RARB: variants seen among roughly 807,000 people sequenced by gnomAD.
RARB encodes retinoic acid receptor beta.
In RARB, 17 loss-of-function variants were observed where a neutral mutation model predicts 51.9. The observed-to-expected ratio is 0.33, with a 90% CI of 0.22 to 0.49. RARB has a LOEUF of 0.49. Among genes scored for constraint, RARB ranks in the 20% least tolerant of loss-of-function variants. The pLI is 0.99. For missense variants in RARB, 369 were observed against 550.8 expected (o/e 0.67, Z 3.30); for synonymous variants, 215 against 195.4 (o/e 1.10, Z -0.84).
chr3:24,885,309 T>C (rs983757084), intron 2 of RARB, among the ~76,000 whole-genome samples: 3 of 152,154 alleles, frequency 2.0e-5, no homozygotes, highest in Admixed American at 2.0e-4. Context: ...GGGAATTTGG[T>C]AATTTCCAGT....
intron 3 of RARB, among the ~76,000 whole-genome samples, chr3:25,510,681 A>G (rs563227274): frequency 6.6e-6 from 1 of 152,370 alleles, no homozygotes; most frequent in African/African-American, 2.4e-5. Context: ...AGTTTAATGC[A>G]GTATTTCCCT....
intron 4 of RARB, among the ~76,000 whole-genome samples, chr3:25,144,633 G>T (rs1416932055): frequency 1.3e-5 from 2 of 152,160 alleles, no homozygotes; most frequent in African/African-American, 4.8e-5. Flanking sequence ...TGCTTAACAA[G>T]CTTATTTGGA....
At chr3:25,209,677 GTC>G (rs1280213914) in intron 5 of RARB, among the ~76,000 whole-genome samples, 1 of 152,052 alleles carries the variant, frequency 6.6e-6, no homozygotes, top group East Asian at 1.9e-4. Flanking sequence ...TCAGTTTTAT[GTC>G]TCTCCTCCAT....
chr3:25,594,772 C>T (rs1221382867), intron 7 of RARB, 94 bp downstream of exon 7: 15 of 1,192,108 alleles, frequency 1.3e-5, no homozygotes, highest in Non-Finnish European at 3.3e-6. Flanking sequence ...TGTTTAATGG[C>T]TGCTTTTAAA....
At chr3:24,858,670 G>A (rs994015277) in intron 1 of RARB, 20 of 152,106 alleles carry the variant, frequency 1.3e-4, no homozygotes, top group African/African-American at 4.6e-4. Flanking sequence ...CATTGTTTTT[G>A]CAGAATCCTG....
rs147470715 is a variant in RARB at position 25,035,471 on chromosome 3, T to C, written c.-379-24654T>C. ...TTCTCTCAAGGTAGCTATTCCATCA[T>C]GTGGATAAAAAAACTGAGATTAAAG... On this transcript the variant is annotated intron_variant, in intron 2 of 11. Coordinates refer to the RARB transcript ENST00000383772. Among the ~76,000 whole-genome samples, 796 of 144,388 alleles carry C rather than the reference T, an allele frequency of 5.5e-3. 12 individuals carry two copies. The highest frequency in any genetic ancestry group is 0.019 in the African/African-American group (743 of 38,132). The allele number at this position is 144,388 out of a possible 152,430, so 94.7% of individuals were successfully genotyped here. A position where few individuals can be genotyped will look rare whatever the true frequency, so the allele number is the denominator to read the frequency against.
At chr3:25,520,580 G>A (rs910560118) in intron 3 of RARB, among the ~76,000 whole-genome samples, 4 of 152,132 alleles carry the variant, frequency 2.6e-5, no homozygotes, top group Non-Finnish European at 4.4e-5. Context: ...AATAAGTAGC[G>A]ACTGTGAATA....
intron 2 of RARB, among the ~76,000 whole-genome samples, chr3:25,499,640 C>CA (rs200990659): frequency 0.015 from 1,943 of 132,778 alleles, 39 homozygotes; most frequent in African/African-American, 0.057. Flanking sequence ...AGTTAAAAAG[C>CA]AAAAAACTCT....
At chr3:25,062,928 A>G (rs965633501) in intron 3 of RARB, among the ~76,000 whole-genome samples, 2 of 152,030 alleles carry the variant, frequency 1.3e-5, no homozygotes, top group African/African-American at 4.8e-5. Flanking sequence ...TATGTGAATC[A>G]TGTCTCAAAG....
At chr3:25,196,244 C>T in intron 5 of RARB, among the ~76,000 whole-genome samples, 1 of 151,940 alleles carries the variant, frequency 6.6e-6, no homozygotes. Context: ...CAACAGGCCC[C>T]AGTGTGTGAT....
intron 2 of RARB, among the ~76,000 whole-genome samples, chr3:25,484,408 T>A (rs910541920): frequency 1.3e-5 from 2 of 152,152 alleles, no homozygotes; most frequent in Non-Finnish European, 2.9e-5. Context: ...TGTGCATGTG[T>A]GAGAGAGTGA....
intron 5 of RARB, among the ~76,000 whole-genome samples, chr3:25,223,676 G>A (rs1368920347): frequency 6.6e-6 from 1 of 152,150 alleles, no homozygotes; most frequent in Non-Finnish European, 1.5e-5. Flanking sequence ...GTAGTCATAT[G>A]AAGAGAGCAG....
At chr3:25,446,619 C>T (rs761759055) in intron 1 of RARB, among the ~76,000 whole-genome samples, 1 of 151,714 alleles carries the variant, frequency 6.6e-6, no homozygotes, top group Non-Finnish European at 1.5e-5. Flanking sequence ...CTGGCGAACA[C>T]GGTGAAACCC....
At chr3:24,835,242 A>G (rs1243601922) in intron 1 of RARB, among the ~76,000 whole-genome samples, 1 of 152,242 alleles carries the variant, frequency 6.6e-6, no homozygotes, top group Non-Finnish European at 1.5e-5. Flanking sequence ...TATGCCAATA[A>G]GTAAACATAG....
intron 5 of RARB, among the ~76,000 whole-genome samples, chr3:25,363,222 G>A (rs546245696): frequency 2.0e-5 from 3 of 152,246 alleles, no homozygotes; most frequent in East Asian, 1.9e-4. Flanking sequence ...AGGTATAAGC[G>A]AAGTGTTATA....
intron 2 of RARB, among the ~76,000 whole-genome samples, chr3:24,887,148 A>C (rs937036517): frequency 1.3e-5 from 2 of 152,238 alleles, no homozygotes; most frequent in African/African-American, 4.8e-5. Context: ...TATTCATAAT[A>C]GGATTGCAAA....
intron 2 of RARB, among the ~76,000 whole-genome samples, chr3:25,045,667 TA>T (rs1347958255): frequency 5.3e-5 from 8 of 152,212 alleles, no homozygotes; most frequent in African/African-American, 1.9e-4. Flanking sequence ...ATGAACCTTT[TA>T]AAAAATGTAA....
intron 5 of RARB, among the ~76,000 whole-genome samples, chr3:25,177,599 A>T (rs189232813): frequency 1.9e-3 from 286 of 152,312 alleles, no homozygotes; most frequent in African/African-American, 6.6e-3. Context: ...AAGGCTCAAT[A>T]ATTCTCTACC....
intron 2 of RARB, among the ~76,000 whole-genome samples, chr3:24,887,518 TA>T (rs1260888077): frequency 6.6e-6 from 1 of 152,220 alleles, no homozygotes; most frequent in Non-Finnish European, 1.5e-5. Flanking sequence ...TGGTTATGCT[TA>T]TAATATGTAT....
Sources: gnomAD v4.1 joint callset for allele counts (sites outside exome capture counted in the v4.1 genomes callset) on GRCh38, gnomAD v4.1.1 for gene constraint, MANE v1.5 for transcripts, NCBI Gene and HGNC (gene_info 2026-07-23, HGNC 2026-07-21) for gene names.